Variants in MCHR2 observed in about 807,000 individuals in gnomAD.
The protein encoded by MCHR2 is melanin-concentrating hormone receptor 2.
In MCHR2, 15 loss-of-function variants were observed where a neutral mutation model predicts 24.8. The ratio of observed to expected loss-of-function variants is 0.60; its 90% CI spans 0.40 to 0.93. The LOEUF (loss-of-function observed/expected upper bound fraction) is 0.93, where lower values mean the gene tolerates loss of function less well. MCHR2 is among the 40% of genes least tolerant of loss of function. The pLI is 0.00. For synonymous variants in MCHR2, 151 were observed against 147.6 expected (o/e 1.02, Z -0.17); for missense variants, 386 against 408.7 (o/e 0.94, Z 0.48).
At chr6:99,987,449 C>A (rs563754088) in intron 1 of MCHR2, among the ~76,000 whole-genome samples, 1 of 152,256 alleles carries the variant, frequency 6.6e-6, no homozygotes, top group African/African-American at 2.4e-5. Flanking sequence ...TCCAAATCCC[C>A]ACCCTTGCTT....
In MCHR2 at chr6:99,989,381, C is replaced by CTT. The variant is rs1775825431; in HGVS notation, c.-28+4553_-28+4554dup. Reference sequence around the variant, plus strand: ...ATGTGCCAGATACTGTGTTAAGTACCTTATGTACATTACCTCATTTAAAGT... The same window carrying CTT: ...ATGTGCCAGATACTGTGTTAAGTACCTTTTATGTACATTACCTCATTTAAAGT... On this transcript the variant is annotated intron_variant, in intron 1 of 5. Coordinates refer to ENST00000281806, the MANE Select transcript of MCHR2 (RefSeq NM_001040179.2). Among the ~76,000 whole-genome samples the CTT allele has an allele frequency of 9.9e-5, 15 of 152,238 alleles. 1 individual carries two copies. In the South Asian group the frequency reaches 3.1e-3, roughly 32 times the overall value.
intron 4 of MCHR2, among the ~76,000 whole-genome samples, chr6:99,941,540 G>T (rs1774771684): frequency 6.6e-6 from 1 of 152,100 alleles, no homozygotes; most frequent in Non-Finnish European, 1.5e-5. Context: ...AGGAAGTAGG[G>T]TCTTTGGGAA....
intron 1 of MCHR2, among the ~76,000 whole-genome samples, chr6:99,983,886 A>G (rs1310754468): frequency 6.6e-6 from 1 of 152,210 alleles, no homozygotes; most frequent in Non-Finnish European, 1.5e-5. Flanking sequence ...TTTCTATATT[A>G]GAGATAGAAT....
chr6:99,967,470 T>A (rs931278121), intron 1 of MCHR2, among the ~76,000 whole-genome samples: 1 of 152,196 alleles, frequency 6.6e-6, no homozygotes, highest in Admixed American at 6.5e-5. Context: ...ATGGCAGTGA[T>A]AATTTCATAG....
Position 99,988,739 on chromosome 6 carries a change from G to T in MCHR2, c.-28+5197C>A, listed in dbSNP as rs559582926. Among the ~76,000 whole-genome samples, 431 of 152,230 alleles carry T rather than the reference G, an allele frequency of 2.8e-3. 3 individuals carry two copies. The highest frequency in any genetic ancestry group is 9.7e-3 in the African/African-American group (402 of 41,544). Reference sequence around the variant, plus strand: ...CTTTTACCCTCTGCCTCTCACTTTTGAACATTCTTAAATACTATAGAGGAT... The same window carrying T: ...CTTTTACCCTCTGCCTCTCACTTTTTAACATTCTTAAATACTATAGAGGAT... On this transcript the variant is annotated intron_variant, in intron 1 of 5. Coordinates refer to ENST00000281806, the MANE Select transcript of MCHR2 (RefSeq NM_001040179.2).
chr6:99,987,485 A>G (rs1310453288), intron 1 of MCHR2, among the ~76,000 whole-genome samples: 1 of 152,172 alleles, frequency 6.6e-6, no homozygotes, highest in Non-Finnish European at 1.5e-5. Flanking sequence ...AATTAAATAC[A>G]TTCCATGCTC....
chr6:99,943,179 A>G (rs1252945143), intron 3 of MCHR2, 36 bp from the exon 4 acceptor site: 4 of 1,551,002 alleles, frequency 2.6e-6, no homozygotes, highest in Non-Finnish European at 3.5e-6. Flanking sequence ...TGGAACAATC[A>G]ATAAAAGCAC....
chr6:99,952,454 A>G (rs2114535939), intron 2 of MCHR2, among the ~76,000 whole-genome samples: 1 of 152,244 alleles, frequency 6.6e-6, no homozygotes, highest in South Asian at 2.1e-4. Context: ...GATTTTATTG[A>G]CTTTTAGTTC....
intron 1 of MCHR2, among the ~76,000 whole-genome samples, chr6:99,993,072 A>T (rs968198976): frequency 5.9e-5 from 9 of 152,154 alleles, no homozygotes; most frequent in African/African-American, 1.9e-4. Context: ...CATTCCTCAA[A>T]TCCAGAAGAT....
At position 99,947,846 on chromosome 6, in the gene MCHR2, C is replaced by A. The variant is rs201461557; in HGVS notation, c.308G>T (p.Gly103Val). The A allele has an allele frequency of 1.2e-6, 2 of 1,613,622 alleles. No homozygotes were observed. The highest frequency in any genetic ancestry group is 1.1e-5 in the South Asian group (1 of 91,070). ...GGATGTGATGATGGTGCAGAGAGGCCCCCCAAACACCCACTCTCCCCCTCG... is the reference window on the plus strand; with the variant it reads ...GGATGTGATGATGGTGCAGAGAGGCACCCCAAACACCCACTCTCCCCCTCG... The part of the protein sequence containing the change: ...WARGGEWVFG[G>V]PLCTIITSLD... Residue 103 changes from glycine to valine, a missense_variant, in exon 3 of 6, where the codon GGG becomes GTG. Transcript: ENST00000281806.
intron 1 of MCHR2, among the ~76,000 whole-genome samples, chr6:99,974,268 C>A (rs1256127839): frequency 6.6e-6 from 1 of 151,876 alleles, no homozygotes; most frequent in African/African-American, 2.4e-5. Flanking sequence ...TCTTTTTATT[C>A]TTTTTTCTCC....
chr6:99,953,670 T>A (rs2114537669), intron 2 of MCHR2, among the ~76,000 whole-genome samples: 1 of 148,594 alleles, frequency 6.7e-6, no homozygotes, highest in Admixed American at 6.8e-5. Flanking sequence ...GAATATGAAC[T>A]TTTTAGATAG....
At chr6:99,929,083 A>T (rs1774440475) in intron 5 of MCHR2, among the ~76,000 whole-genome samples, 1 of 151,902 alleles carries the variant, frequency 6.6e-6, no homozygotes, top group Admixed American at 6.6e-5. Context: ...TTCTGCCTTC[A>T]TTTCGTTATA....
At chr6:99,976,473 T>C (rs534504413) in intron 1 of MCHR2, among the ~76,000 whole-genome samples, 3 of 152,240 alleles carry the variant, frequency 2.0e-5, no homozygotes, top group Non-Finnish European at 4.4e-5. Flanking sequence ...TGGTGACTGA[T>C]GGTGTGAAGG....
At chr6:99,991,793 A>G in intron 1 of MCHR2, among the ~76,000 whole-genome samples, 1 of 132,280 alleles carries the variant, frequency 7.6e-6, no homozygotes, top group African/African-American at 2.9e-5. Context: ...TGGGTGACAG[A>G]GTGAGACTCC....
intron 1 of MCHR2, among the ~76,000 whole-genome samples, chr6:99,981,758 T>C (rs951545040): frequency 1.3e-5 from 2 of 152,180 alleles, no homozygotes; most frequent in African/African-American, 2.4e-5. Context: ...TCTCTTTCCC[T>C]CCTTGTTGAT....
Position 99,932,585 on chromosome 6 carries a change from AC to A in MCHR2, c.707+1812del, listed in dbSNP as rs528550867. On this transcript the variant is annotated intron_variant, in intron 5 of 5. Coordinates refer to ENST00000281806, the MANE Select transcript of MCHR2 (RefSeq NM_001040179.2). The stretch of plus-strand genomic sequence containing the variant: ...AGTGATGTAACGTGGCTATCATGTG[AC>A]CCCTGATATACTGTGATGAGAAGAG... 6.2e-3 allele frequency among the ~76,000 whole-genome samples: 937 copies of A among 152,272 alleles called. 11 individuals are homozygous for A. The highest frequency in any genetic ancestry group is 0.022 in the African/African-American group (900 of 41,554).
At chr6:99,984,823 G>T (rs1322911641) in intron 1 of MCHR2, among the ~76,000 whole-genome samples, 1 of 152,078 alleles carries the variant, frequency 6.6e-6, no homozygotes, top group Admixed American at 6.6e-5. Context: ...GAAAGTCCTA[G>T]CTGGGGCAAG....
chr6:99,993,555 G>C (rs1045565551), intron 1 of MCHR2, among the ~76,000 whole-genome samples: 4 of 152,068 alleles, frequency 2.6e-5, no homozygotes, highest in African/African-American at 4.8e-5. Context: ...CGCCACTTCA[G>C]TTCAGCCTCT....
Sources: gnomAD v4.1 joint callset for allele counts (sites outside exome capture counted in the v4.1 genomes callset) on GRCh38, gnomAD v4.1.1 for gene constraint, MANE v1.5 for transcripts, NCBI Gene and HGNC (gene_info 2026-07-23, HGNC 2026-07-21) for gene names.